The following MTUS1 variants were observed in gnomAD, a reference collection of about 807,000 sequenced individuals.
The protein encoded by MTUS1 is microtubule-associated tumor suppressor 1.
Under a neutral mutation model 120.8 loss-of-function variants are expected in MTUS1, and 109 were observed. That is an observed-to-expected ratio of 0.90 (90% CI 0.77 to 1.06). MTUS1 has a LOEUF of 1.06. Among genes scored for constraint, MTUS1 ranks in the 50% least tolerant of loss-of-function variants. MTUS1 has a pLI of 0.00. For missense variants in MTUS1, 2,210 were observed against 1,486.3 expected, an observed-to-expected ratio of 1.49 and a Z score of -8.01; for synonymous variants, 737 against 550.5, an observed-to-expected ratio of 1.34 and a Z score of -4.74.
chr8:17,773,967 C>T (rs1196218893), intron 1 of MTUS1, among the ~76,000 whole-genome samples: 3 of 152,138 alleles, frequency 2.0e-5, no homozygotes, highest in Non-Finnish European at 4.4e-5. Context: ...ACCATTCCAA[C>T]GTCCATGTTC....
intron 2 of MTUS1, among the ~76,000 whole-genome samples, chr8:17,745,511 T>C (rs78074343): frequency 0.049 from 7,442 of 152,312 alleles, 201 homozygotes; most frequent in East Asian, 0.096. Flanking sequence ...GTGGAGCCCA[T>C]AGATACAGAG....
chr8:17,788,608 C>G (rs993705075), intron 1 of MTUS1, among the ~76,000 whole-genome samples: 2 of 152,200 alleles, frequency 1.3e-5, no homozygotes, highest in South Asian at 4.1e-4. Flanking sequence ...CATGTGCCAG[C>G]TGCCTGCAGT....
intron 7 of MTUS1, chr8:17,676,595 A>G: frequency 2.1e-6 from 1 of 478,934 alleles, no homozygotes; most frequent in Non-Finnish European, 3.5e-6. Context: ...ATGAAAAACG[A>G]GAGGCAGGCA....
At chr8:17,702,935 T>A (rs118180097) in intron 6 of MTUS1, among the ~76,000 whole-genome samples, 5,069 of 152,264 alleles carry the variant, frequency 0.033, 118 homozygotes, top group Non-Finnish European at 0.052. Context: ...AATACTCTTA[T>A]AATTTCTTAC....
intron 8 of MTUS1, among the ~76,000 whole-genome samples, chr8:17,657,731 G>A (rs1162587294): frequency 1.4e-5 from 2 of 147,288 alleles, no homozygotes; most frequent in Non-Finnish European, 3.0e-5. Flanking sequence ...GGAGGCTGAG[G>A]TGGGAGGATC....
chr8:17,709,351 G>A (rs554061584), intron 6 of MTUS1, among the ~76,000 whole-genome samples: 3 of 152,036 alleles, frequency 2.0e-5, no homozygotes, highest in East Asian at 1.9e-4. Flanking sequence ...CCTTCAATCC[G>A]GACCTCTCTT....
chr8:17,798,877 T>C (rs1276194979), intron 1 of MTUS1, among the ~76,000 whole-genome samples: 1 of 152,124 alleles, frequency 6.6e-6, no homozygotes, highest in Non-Finnish European at 1.5e-5. Flanking sequence ...AATACTAATA[T>C]CCCAGGAGAA....
chr8:17,723,579 C>G (rs1220286475), intron 4 of MTUS1, 93 bp downstream of exon 4: 9 of 1,409,894 alleles, frequency 6.4e-6, no homozygotes, highest in Non-Finnish European at 9.0e-6. Flanking sequence ...CCTGAAACCC[C>G]AGAAACAAAA....
intron 6 of MTUS1, among the ~76,000 whole-genome samples, chr8:17,711,827 G>C (rs73204289): frequency 0.033 from 5,075 of 152,260 alleles, 117 homozygotes; most frequent in Non-Finnish European, 0.052. Flanking sequence ...ATATTCAGAG[G>C]TCATTATAGG....
Position 17,725,033 on chromosome 8 carries a change from GGT to G in MTUS1, c.2288-1202_2288-1201del, listed in dbSNP as rs574866821. On this transcript the variant is annotated intron_variant, in intron 3 of 14. Coordinates refer to ENST00000693296, the MANE Select transcript of MTUS1 (RefSeq NM_001363059.2). ...AGTCTCCCAAACTGCTGGAATTACA[GGT>G]GTAAACCACCCCACCCAGCCATATA... Among the ~76,000 whole-genome samples the G allele has an allele frequency of 3.4e-4, 52 of 152,124 alleles. No homozygotes were observed. The East Asian group carries it at 8.1e-3, about 24-fold the overall frequency.
intron 6 of MTUS1, among the ~76,000 whole-genome samples, chr8:17,700,030 C>T (rs1818726200): frequency 6.6e-6 from 1 of 151,582 alleles, no homozygotes; most frequent in Non-Finnish European, 1.5e-5. Context: ...GTGAGAAGTA[C>T]CTAAAAAAAG....
chr8:17,678,891 G>A (rs1045935510), intron 7 of MTUS1, among the ~76,000 whole-genome samples: 1 of 152,116 alleles, frequency 6.6e-6, no homozygotes, highest in Non-Finnish European at 1.5e-5. Flanking sequence ...CAATACTGTT[G>A]TTCACTTTGG....
intron 1 of MTUS1, chr8:17,770,480 G>A (rs1003470083): frequency 6.6e-6 from 1 of 152,180 alleles, no homozygotes. Context: ...AGCAAGAGAT[G>A]TCTTATTCGA....
intron 1 of MTUS1, among the ~76,000 whole-genome samples, chr8:17,767,847 C>T (rs1468082): frequency 0.21 from 31,861 of 151,972 alleles, 3,810 homozygotes; most frequent in South Asian, 0.49. Context: ...GGGAGTCTGC[C>T]AAAGGAGTTA....
In MTUS1 at chr8:17,654,226, G is replaced by C. The variant is rs190926788; in HGVS notation, c.3214+335C>G. On this transcript the variant is annotated intron_variant, in intron 10 of 14. Transcript: ENST00000693296. ...CAACACTGCTGTGCAGGAGCACTTG[G>C]GGTGGATCCTTTACTGTGGATTACA... 5 of 315,642 alleles carry C rather than the reference G, an allele frequency of 1.6e-5. No individual in the cohort carries two copies. In the East Asian group the frequency reaches 3.1e-4, roughly 19 times the overall value. The allele number at this position is 315,642 out of a possible 1,614,324, so 19.6% of individuals were successfully genotyped here.
chr8:17,680,176 G>T (rs1237847828), intron 7 of MTUS1, among the ~76,000 whole-genome samples: 4 of 152,056 alleles, frequency 2.6e-5, no homozygotes, highest in African/African-American at 7.2e-5. Context: ...TCCTGAGTGG[G>T]TTCTGGACTG....
In MTUS1 at chr8:17,790,273, G is replaced by A. The variant is rs576699246; in HGVS notation, c.-155+10788C>T. Among the ~76,000 whole-genome samples the A allele has an allele frequency of 2.6e-4, 40 of 151,756 alleles. 1 individual carries two copies. The highest frequency in any genetic ancestry group is 1.5e-3 in the South Asian group (7 of 4,802). ...TGAGGTAGGAGAACTGCTTGAACCC[G>A]GGAGGCAGAGGTTGCCATGAGCCGA... On this transcript the variant is annotated intron_variant, in intron 1 of 14. Transcript: ENST00000693296.
intron 6 of MTUS1, among the ~76,000 whole-genome samples, chr8:17,711,963 ACTGT>A (rs1456204331): frequency 1.3e-5 from 2 of 152,214 alleles, no homozygotes; most frequent in African/African-American, 4.8e-5. Flanking sequence ...AGCTGTGTTC[ACTGT>A]CTTAGATGAG....
At chr8:17,715,707 T>C in intron 5 of MTUS1, 60 bp downstream of exon 5, 2 of 1,520,518 alleles carry the variant, frequency 1.3e-6, no homozygotes, top group Non-Finnish European at 1.8e-6. Flanking sequence ...TTTAACTTTC[T>C]ACAAGCCAAG....
Sources: allele counts gnomAD v4.1 joint callset (sites outside exome capture counted in the v4.1 genomes callset), GRCh38; gene constraint gnomAD v4.1.1; transcripts MANE v1.5; gene names NCBI Gene and HGNC (gene_info 2026-07-23, HGNC 2026-07-21).